Variants in LRMDA observed in about 807,000 individuals in gnomAD.
The protein encoded by LRMDA is leucine rich melanocyte differentiation associated, also known as leucine-rich melanocyte differentiation-associated protein.
Under a neutral mutation model 29.8 loss-of-function variants are expected in LRMDA, and 18 were observed. The ratio of observed to expected loss-of-function variants is 0.60; its 90% CI spans 0.42 to 0.90. LRMDA has a LOEUF of 0.90. Among genes scored for constraint, LRMDA ranks in the 40% least tolerant of loss-of-function variants. The pLI, the probability that LRMDA is intolerant of heterozygous loss-of-function variation, is 0.00. For missense variants in LRMDA, 273 were observed against 273.9 expected (o/e 1.00, Z 0.02); for synonymous variants, 125 against 109.4 (o/e 1.14, Z -0.89).
chr10:76,014,164 A>ATATATATATATAAT (rs1847844354), intron 2 of LRMDA, among the ~76,000 whole-genome samples: 3 of 136,652 alleles, frequency 2.2e-5, no homozygotes, highest in Non-Finnish European at 3.1e-5. Context: ...ATATATAATT[A>ATATATATATATAAT]TATATATATG....
rs386371868 is a variant in LRMDA, at chr10:76,462,059, CA to C, written c.602-95133del. On this transcript the variant is annotated intron_variant, in intron 6 of 6. Coordinates refer to ENST00000611255, the MANE Select transcript of LRMDA (RefSeq NM_001305581.2). ...GAGGACCACAGAGGGAACTCTGTCT[CA>C]AAAAAAAAAAAAAAAACCACACACA... Among the ~76,000 whole-genome samples the C allele has an allele frequency of 8.9e-3, 1,090 of 122,114 alleles. 13 individuals carry two copies. Among genetic ancestry groups the C allele is most frequent in the African/African-American group, 0.026 (844 of 32,096 alleles). 80.1% of individuals were successfully genotyped at this position (122,114 alleles called of 152,430 possible).
At chr10:76,083,880 G>A (rs1423766522) in intron 5 of LRMDA, among the ~76,000 whole-genome samples, 2 of 150,466 alleles carry the variant, frequency 1.3e-5, no homozygotes, top group African/African-American at 4.9e-5. Flanking sequence ...TGGGGAAGAA[G>A]TTGGTTGAAC....
chr10:76,002,260 C>A (rs371941204), intron 2 of LRMDA, among the ~76,000 whole-genome samples: 2 of 152,334 alleles, frequency 1.3e-5, no homozygotes, highest in African/African-American at 4.8e-5. Context: ...AACCCCAATT[C>A]TCTCCAAATA....
intron 2 of LRMDA, among the ~76,000 whole-genome samples, chr10:75,535,349 C>G (rs911697468): frequency 1.3e-5 from 2 of 152,076 alleles, no homozygotes; most frequent in Non-Finnish European, 2.9e-5. Context: ...AGGTCCTTGT[C>G]TTTCCTTCAG....
At chr10:75,823,942 G>A (rs1450482677) in intron 2 of LRMDA, among the ~76,000 whole-genome samples, 5 of 152,016 alleles carry the variant, frequency 3.3e-5, no homozygotes, top group Non-Finnish European at 7.4e-5. Context: ...TAAGCAATGG[G>A]TACACATCGA....
At chr10:75,919,144 C>A (rs1306158447) in intron 2 of LRMDA, among the ~76,000 whole-genome samples, 20 of 152,258 alleles carry the variant, frequency 1.3e-4, no homozygotes, top group Admixed American at 3.9e-4. Context: ...TGACTGAAGT[C>A]ATAGAACTGA....
intron 6 of LRMDA, among the ~76,000 whole-genome samples, chr10:76,521,113 C>T (rs1180584184): frequency 1.3e-5 from 2 of 150,642 alleles, no homozygotes; most frequent in Non-Finnish European, 3.0e-5. Flanking sequence ...TCTGTTGCTC[C>T]ATTCTATTCA....
At chr10:76,103,760 A>G (rs1037988609) in intron 5 of LRMDA, among the ~76,000 whole-genome samples, 13 of 152,186 alleles carry the variant, frequency 8.5e-5, no homozygotes, top group African/African-American at 2.9e-4. Context: ...CCCTTAGGTT[A>G]AAAATTCCGG....
chr10:75,634,131 G>A (rs1436345055), intron 2 of LRMDA, among the ~76,000 whole-genome samples: 1 of 152,158 alleles, frequency 6.6e-6, no homozygotes, highest in Non-Finnish European at 1.5e-5. Flanking sequence ...AACTAGCACT[G>A]GAGACTTAAC....
intron 2 of LRMDA, among the ~76,000 whole-genome samples, chr10:75,732,066 C>T (rs1283309096): frequency 6.6e-6 from 1 of 152,122 alleles, no homozygotes; most frequent in Non-Finnish European, 1.5e-5. Context: ...GTTTTTTCCC[C>T]TAACACTTTT....
chr10:75,496,723 G>A (rs1255452780), intron 2 of LRMDA, among the ~76,000 whole-genome samples: 1 of 152,172 alleles, frequency 6.6e-6, no homozygotes, highest in Non-Finnish European at 1.5e-5. Context: ...TTTCGGAAGT[G>A]CAGTTGAAGA....
chr10:76,070,695 T>C (rs1229138700), intron 5 of LRMDA, among the ~76,000 whole-genome samples: 1 of 152,176 alleles, frequency 6.6e-6, no homozygotes, highest in Non-Finnish European at 1.5e-5. Context: ...GAATTTATCC[T>C]TAAATGAAAT....
At chr10:75,689,750 C>T (rs1842122191) in intron 2 of LRMDA, among the ~76,000 whole-genome samples, 1 of 152,164 alleles carries the variant, frequency 6.6e-6, no homozygotes, top group Admixed American at 6.5e-5. Context: ...AGGCATCTCT[C>T]CCAAGACGAG....
chr10:76,488,159 G>A (rs1188122635), intron 6 of LRMDA, among the ~76,000 whole-genome samples: 2 of 151,536 alleles, frequency 1.3e-5, no homozygotes, highest in African/African-American at 4.8e-5. Context: ...TATAACACTA[G>A]AAGAAAAAAA....
At chr10:76,211,519 C>T (rs1851633878) in intron 5 of LRMDA, among the ~76,000 whole-genome samples, 1 of 152,192 alleles carries the variant, frequency 6.6e-6, no homozygotes, top group South Asian at 2.1e-4. Flanking sequence ...AGCCTCTAGC[C>T]AGAGAGAATT....
intron 2 of LRMDA, among the ~76,000 whole-genome samples, chr10:75,582,112 AG>A (rs944776624): frequency 9.2e-5 from 14 of 152,118 alleles, no homozygotes; most frequent in African/African-American, 2.7e-4. Flanking sequence ...TTTCAGGGGC[AG>A]GGGGGAAGCT....
intron 6 of LRMDA, among the ~76,000 whole-genome samples, chr10:76,431,586 A>G (rs919327511): frequency 6.6e-6 from 1 of 152,232 alleles, no homozygotes; most frequent in African/African-American, 2.4e-5. Flanking sequence ...TAACATCCTC[A>G]TAATAACCAA....
chr10:76,164,839 A>C (rs927469938), intron 5 of LRMDA, among the ~76,000 whole-genome samples: 1 of 152,296 alleles, frequency 6.6e-6, no homozygotes, highest in African/African-American at 2.4e-5. Flanking sequence ...TGGAGGCACC[A>C]CTCAGACCTT....
intron 5 of LRMDA, among the ~76,000 whole-genome samples, chr10:76,136,450 A>G (rs1274871154): frequency 6.6e-6 from 1 of 152,154 alleles, no homozygotes; most frequent in Non-Finnish European, 1.5e-5. Flanking sequence ...CTGGCTCAAT[A>G]TTGTTTATAT....
Sources: allele counts gnomAD v4.1 joint callset (sites outside exome capture counted in the v4.1 genomes callset), GRCh38; gene constraint gnomAD v4.1.1; transcripts MANE v1.5; gene names NCBI Gene and HGNC (gene_info 2026-07-23, HGNC 2026-07-21).